DRC11: variants seen among roughly 807,000 people sequenced by gnomAD.
The protein encoded by DRC11 is IQ and AAA domain-containing protein 1.
chr2:236,503,796 C>T, the DRC11 span: 5 of 1,164,738 alleles, frequency 4.3e-6, no homozygotes, highest in African/African-American at 1.5e-5. The surrounding 1 kb of genome is among the most constrained non-coding windows in gnomAD (Gnocchi z 4.9). Flanking sequence ...GCCTCGGCCA[C>T]GCCAGCCTGG....
the DRC11 span, among the ~76,000 whole-genome samples, chr2:236,437,293 A>C: frequency 7.3e-6 from 1 of 137,772 alleles, no homozygotes; most frequent in African/African-American, 2.8e-5. Context: ...ATGGCTGCAT[A>C]GTATTCCATG....
the DRC11 span, among the ~76,000 whole-genome samples, chr2:236,447,047 C>T: frequency 5.9e-5 from 9 of 151,522 alleles, 1 homozygote; most frequent in South Asian, 2.1e-4. This position sits in a 1 kb window ranked among gnomAD's most constrained non-coding sequence, Gnocchi z 4.6. Context: ...TTAACAAACA[C>T]GCAGCTTCCT....
the DRC11 span, among the ~76,000 whole-genome samples, chr2:236,383,277 CTTT>C: frequency 1.3e-5 from 2 of 152,094 alleles, no homozygotes; most frequent in Non-Finnish European, 2.9e-5. Flanking sequence ...TTTTTCGTTT[CTTT>C]GACATTGGTT....
chr2:236,404,179 A>AT, the DRC11 span, among the ~76,000 whole-genome samples: 1 of 148,918 alleles, frequency 6.7e-6, no homozygotes, highest in East Asian at 1.9e-4. Context: ...AAAAAAAAAA[A>AT]GAAAAAGAAA....
chr2:236,329,937 A>AAACTTCTAG, the DRC11 span, among the ~76,000 whole-genome samples: 1 of 152,232 alleles, frequency 6.6e-6, no homozygotes, highest in Non-Finnish European at 1.5e-5. Flanking sequence ...ATAGATAGAA[A>AAACTTCTAG]AACTTCTAGA....
the DRC11 span, among the ~76,000 whole-genome samples, chr2:236,453,237 G>A: frequency 6.6e-6 from 1 of 152,188 alleles, no homozygotes; most frequent in Non-Finnish European, 1.5e-5. The surrounding 1 kb of genome is among the most constrained non-coding windows in gnomAD (Gnocchi z 4.9). Flanking sequence ...CACTTCTTAT[G>A]TACTACTTTT....
At chr2:236,446,462 G>A in the DRC11 span, among the ~76,000 whole-genome samples, 4 of 152,316 alleles carry the variant, frequency 2.6e-5, no homozygotes, top group African/African-American at 7.2e-5. This position sits in a 1 kb window ranked among gnomAD's most constrained non-coding sequence, Gnocchi z 6.2. Flanking sequence ...TCAGGAAGAC[G>A]GTTCTCTTGG....
chr2:236,389,617 C>T, the DRC11 span, among the ~76,000 whole-genome samples: 2 of 152,184 alleles, frequency 1.3e-5, no homozygotes, highest in South Asian at 2.1e-4. Flanking sequence ...AGAAATCACC[C>T]GTCTTCTGCG....
At chr2:236,351,352 A>T in the DRC11 span, among the ~76,000 whole-genome samples, 1 of 152,126 alleles carries the variant, frequency 6.6e-6, no homozygotes, top group Admixed American at 6.5e-5. This position sits in a 1 kb window ranked among gnomAD's most constrained non-coding sequence, Gnocchi z 7.3. Flanking sequence ...GACCGCAGAC[A>T]GTGGTTAAAG....
At chr2:236,382,863 C>T in the DRC11 span, among the ~76,000 whole-genome samples, 1 of 152,132 alleles carries the variant, frequency 6.6e-6, no homozygotes, top group Non-Finnish European at 1.5e-5. Context: ...AAAATAATGT[C>T]ATCTGTAAAC....
chr2:236,429,198 G>A, the DRC11 span, among the ~76,000 whole-genome samples: 3 of 152,184 alleles, frequency 2.0e-5, no homozygotes, highest in African/African-American at 4.8e-5. The surrounding 1 kb of genome is among the most constrained non-coding windows in gnomAD (Gnocchi z 5.9). Context: ...GAATCTGGGG[G>A]AGCGTTCAGT....
At chr2:236,480,114 A>G in the DRC11 span, among the ~76,000 whole-genome samples, 1 of 151,514 alleles carries the variant, frequency 6.6e-6, no homozygotes, top group Non-Finnish European at 1.5e-5. Flanking sequence ...TCTGTTACCA[A>G]ACTGGAGCTC....
At chr2:236,404,161 T>TAAAAAAAAAAAAAAAAAAAAAA in the DRC11 span, among the ~76,000 whole-genome samples, 2 of 91,534 alleles carry the variant, frequency 2.2e-5, no homozygotes, top group Non-Finnish European at 4.6e-5. Flanking sequence ...AATGGAGAGT[T>TAAAAAAAAAAAAAAAAAAAAAA]AAAAAAAAAA....
At chr2:236,342,678 C>T in the DRC11 span, among the ~76,000 whole-genome samples, 4 of 152,284 alleles carry the variant, frequency 2.6e-5, no homozygotes, top group Non-Finnish European at 4.4e-5. This position sits in a 1 kb window ranked among gnomAD's most constrained non-coding sequence, Gnocchi z 5.8. Context: ...GTTTCCTCCC[C>T]CGCTCCTCTC....
chr2:236,307,319 G>A, the DRC11 span, among the ~76,000 whole-genome samples: 1 of 152,166 alleles, frequency 6.6e-6, no homozygotes, highest in Non-Finnish European at 1.5e-5. The surrounding 1 kb of genome is among the most constrained non-coding windows in gnomAD (Gnocchi z 7.0). Context: ...CCCAGGCTTA[G>A]AGGCCCGCGG....
At chr2:236,309,283 C>A in the DRC11 span, among the ~76,000 whole-genome samples, 1 of 152,186 alleles carries the variant, frequency 6.6e-6, no homozygotes, top group South Asian at 2.1e-4. The surrounding 1 kb of genome is among the most constrained non-coding windows in gnomAD (Gnocchi z 5.7). Flanking sequence ...GCTACTGGAG[C>A]CTTGCACAAA....
At chr2:236,472,229 A>G in the DRC11 span, among the ~76,000 whole-genome samples, 1 of 152,178 alleles carries the variant, frequency 6.6e-6, no homozygotes, top group Non-Finnish European at 1.5e-5. The surrounding 1 kb of genome is among the most constrained non-coding windows in gnomAD (Gnocchi z 4.6). Flanking sequence ...ACACAGTTGT[A>G]TAGGATGCAC....
chr2:236,426,194 C>A, the DRC11 span, among the ~76,000 whole-genome samples: 1 of 152,060 alleles, frequency 6.6e-6, no homozygotes, highest in African/African-American at 2.4e-5. The surrounding 1 kb of genome is among the most constrained non-coding windows in gnomAD (Gnocchi z 4.1). Context: ...TTTTGATAGT[C>A]ATTACACTGA....
At chr2:236,503,520 C>A in the DRC11 span, 3 of 1,088,220 alleles carry the variant, frequency 2.8e-6, no homozygotes, top group East Asian at 7.7e-5. The surrounding 1 kb of genome is among the most constrained non-coding windows in gnomAD (Gnocchi z 4.9). Flanking sequence ...TTTCTTTCTT[C>A]CCCAACTGCA....
Sources: allele counts gnomAD v4.1 joint callset (sites outside exome capture counted in the v4.1 genomes callset), GRCh38; gene constraint gnomAD v4.1.1; non-coding constraint Gnocchi (gnomAD v3.1); transcripts MANE v1.5; gene names NCBI Gene and HGNC (gene_info 2026-07-23, HGNC 2026-07-21).